ITPA: variants seen among roughly 807,000 people sequenced by gnomAD.
The protein encoded by ITPA is inosine triphosphatase.
A neutral mutation model predicts 29.6 loss-of-function variants in ITPA; 29 were observed. The observed-to-expected ratio is 0.98, with a 90% CI of 0.73 to 1.34. The LOEUF is 1.34. Ranked by LOEUF, ITPA falls within the 40% of genes most tolerant of loss-of-function variation. The pLI, the probability that ITPA is intolerant of heterozygous loss-of-function variation, is 0.00. For missense variants in ITPA, 241 were observed against 251.5 expected (o/e 0.96, Z 0.28); for synonymous variants, 103 against 99.3 (o/e 1.04, Z -0.22).
chr20:3,213,928 C>T lies in ITPA; in HGVS notation c.190-57C>T, dbSNP rs560179673. 1.7e-5 allele frequency: 26 copies of T among 1,562,456 alleles called. No individual in the cohort carries two copies. In the East Asian group the frequency reaches 4.7e-4, roughly 28 times the overall value. On this transcript the variant is annotated intron_variant, in intron 3 of 7. Transcript: ENST00000380113. ...GCCTGGGTGACGCGGGTGACCTGGACGTTCCAGGTGGGGATGGTGATCATG... is the reference window on the plus strand; with the variant it reads ...GCCTGGGTGACGCGGGTGACCTGGATGTTCCAGGTGGGGATGGTGATCATG...
upstream of ITPA, among the ~76,000 whole-genome samples, chr20:3,208,366 T>C (rs1029599756): frequency 6.6e-6 from 1 of 152,180 alleles, no homozygotes; most frequent in African/African-American, 2.4e-5. Flanking sequence ...CCCAAAGCAG[T>C]GGTTCCCACA....
At chr20:3,204,398 C>G (rs1413554539), upstream of ITPA, 2 of 836,850 alleles carry the variant, frequency 2.4e-6, no homozygotes, top group Non-Finnish European at 3.7e-6. Context: ...CCCCACCCGG[C>G]ACACGACTAG....
At chr20:3,204,575 A>G, upstream of ITPA, 1 of 1,580,250 alleles carries the variant, frequency 6.3e-7, no homozygotes, top group Non-Finnish European at 8.6e-7. Context: ...CAGGAAGAGG[A>G]TAAAGCCGAC....
At chr20:3,209,311 T>A, upstream of ITPA, 2 of 587,596 alleles carry the variant, frequency 3.4e-6, no homozygotes, top group African/African-American at 3.7e-5. This position sits in a 1 kb window ranked among gnomAD's most constrained non-coding sequence, Gnocchi z 4.6. Context: ...ATAGCGTCCC[T>A]TAGGCAGGAG....
chr20:3,207,823 C>T (rs539225388), upstream of ITPA, among the ~76,000 whole-genome samples: 7 of 151,766 alleles, frequency 4.6e-5, no homozygotes, highest in East Asian at 1.9e-4. Flanking sequence ...GGTGAAACCC[C>T]GTCTCTACTA....
At chr20:3,206,132 T>C (rs1051555384), upstream of ITPA, among the ~76,000 whole-genome samples, 1 of 151,172 alleles carries the variant, frequency 6.6e-6, no homozygotes, top group Admixed American at 6.6e-5. Flanking sequence ...CTCACACCTG[T>C]AATCCCAGCA....
In ITPA at chr20:3,213,399, T is replaced by G; in HGVS notation, c.189+16T>G. The G allele has an allele frequency of 6.2e-7, 1 of 1,613,580 alleles. No homozygotes were observed. The highest frequency in any genetic ancestry group is 8.5e-7 in the Non-Finnish European group (1 of 1,180,012). ...AGTTCGCCAGGTGCTTGCCCTGCCC[T>G]TGTCCCACACTTGCTCTTCTTGTCC... On this transcript the variant is annotated intron_variant, in intron 3 of 7. Transcript: ENST00000380113.
At position 3,218,644 on chromosome 20, in the gene ITPA, C is replaced by T; in HGVS notation, c.411+12C>T. The T allele has an allele frequency of 6.3e-7, 1 of 1,596,782 alleles. No individual in the cohort carries two copies. The highest frequency in any genetic ancestry group is 1.1e-5 in the South Asian group (1 of 90,752). On this transcript the variant is annotated intron_variant, in intron 6 of 7. Transcript: ENST00000380113. ...GGGGCCGGACCTCGGTGCGTACCCA[C>T]CTTGATGCAGTTCCCGCCGCGCGCC... is the stretch of plus-strand genomic sequence containing the variant.
Position 3,218,504 on chromosome 20 carries a change from T to G in ITPA, c.296-13T>G. 6.2e-7 allele frequency: 1 copy of G among 1,601,428 alleles called. No homozygotes were observed. Among genetic ancestry groups the G allele is most frequent in the Non-Finnish European group, 8.6e-7 (1 of 1,168,730 alleles). On this transcript the variant is annotated splice_polypyrimidine_tract_variant and intron_variant, in intron 5 of 7. Coordinates refer to ENST00000380113, the MANE Select transcript of ITPA (RefSeq NM_033453.4). ...CATTAGGGATGCACTGAGCCCTCAC[T>G]GCCCACCCGCAGGTCTCCACCAGCT...
At chr20:3,208,564 T>C (rs187064915), upstream of ITPA, among the ~76,000 whole-genome samples, 1,176 of 152,270 alleles carry the variant, frequency 7.7e-3, 15 homozygotes, top group African/African-American at 0.025. Flanking sequence ...TTGGTAGAGA[T>C]GGGGTTTCTC....
upstream of ITPA, among the ~76,000 whole-genome samples, chr20:3,206,613 G>A (rs1381486506): frequency 1.3e-5 from 2 of 151,726 alleles, no homozygotes; most frequent in South Asian, 2.1e-4. Flanking sequence ...GGCGGATCAC[G>A]AGGTCAGGAG....
At chr20:3,206,068 A>AG (rs1555771714), upstream of ITPA, among the ~76,000 whole-genome samples, 966 of 147,236 alleles carry the variant, frequency 6.6e-3, 15 homozygotes, top group African/African-American at 0.023. Flanking sequence ...AAAAAAAAAA[A>AG]AAAGAAAGAA....
chr20:3,218,914 T>C, intron 6 of ITPA: 1 of 496,730 alleles, frequency 2.0e-6, no homozygotes, highest in South Asian at 2.0e-5. Flanking sequence ...GAAACCTGTT[T>C]GACCCCTGAG....
Position 3,223,672 on chromosome 20 carries a change from T to G in ITPA, c.*210T>G, listed in dbSNP as rs921394904. ...GGACGCCATTCTCTTGCCCTTAGGA[T>G]TCACTGCTCTCTCCTACAGCCGCCA... On this transcript the variant is annotated 3_prime_UTR_variant, in exon 8 of 8. Coordinates refer to ENST00000380113, the MANE Select transcript of ITPA (RefSeq NM_033453.4). 32 of 602,456 alleles carry G rather than the reference T, an allele frequency of 5.3e-5. No individual in the cohort carries two copies. Among genetic ancestry groups the G allele is most frequent in the Admixed American group, 1.3e-4 (5 of 38,088 alleles). The allele number at this position is 602,456 out of a possible 1,614,324, so 37.3% of individuals were successfully genotyped here. A position where few individuals can be genotyped will look rare whatever the true frequency, so the allele number is the denominator to read the frequency against.
intron 5 of ITPA, 62 bp downstream of exon 5, chr20:3,215,374 G>C: frequency 6.6e-7 from 1 of 1,507,960 alleles, no homozygotes; most frequent in Non-Finnish European, 9.2e-7. Context: ...CTTTGTCTAG[G>C]GGAGGGACCC....
rs1467920676 is a variant in ITPA, at chr20:3,223,561, G to C, written c.*99G>C. The C allele has an allele frequency of 1.1e-6, 1 of 902,946 alleles. No individual in the cohort carries two copies. The highest frequency in any genetic ancestry group is 1.6e-5 in the African/African-American group (1 of 60,828). The allele number at this position is 902,946 out of a possible 1,614,324, so 55.9% of individuals were successfully genotyped here. A position where few individuals can be genotyped will look rare whatever the true frequency, so the allele number is the denominator to read the frequency against. ...GGCACCCCCTGAAGTACTTCCTTCA[G>C]GGTTTCCCCTTTGTGAGGGTGTCGA... On this transcript the variant is annotated 3_prime_UTR_variant, in exon 8 of 8. Coordinates refer to ENST00000380113, the MANE Select transcript of ITPA (RefSeq NM_033453.4).
chr20:3,212,356 G>T (rs2067194347), intron 1 of ITPA, among the ~76,000 whole-genome samples: 1 of 149,000 alleles, frequency 6.7e-6, no homozygotes, highest in African/African-American at 2.5e-5. Flanking sequence ...GTCTCACTCT[G>T]TCGCCTAAGG....
In ITPA at chr20:3,218,567, T is replaced by C; in HGVS notation, c.346T>C (p.Cys116Arg). 1 of 1,613,990 alleles carries C rather than the reference T, an allele frequency of 6.2e-7. No individual in the cohort carries two copies. The highest frequency in any genetic ancestry group is 8.5e-7 in the Non-Finnish European group (1 of 1,180,044). ...CGAGGACAAGTCAGCCTATGCGCTC[T>C]GCACGTTTGCACTCAGCACCGGGGA... ...GFEDKSAYAL[C>R]TFALSTGDPS... The change falls in exon 6 of 8, where the codon TGC (cysteine) becomes CGC (arginine). Residue 116 changes from cysteine (C) to arginine (R), a missense_variant. Coordinates refer to ENST00000380113, the MANE Select transcript of ITPA (RefSeq NM_033453.4).
At chr20:3,218,396 A>C in intron 5 of ITPA, 121 bp from the exon 6 acceptor site, 2 of 753,022 alleles carry the variant, frequency 2.7e-6, no homozygotes, top group South Asian at 1.5e-5. Flanking sequence ...CCGCTACCCC[A>C]ATTGAGACCT....
Sources: allele counts gnomAD v4.1 joint callset (sites outside exome capture counted in the v4.1 genomes callset), GRCh38; gene constraint gnomAD v4.1.1; non-coding constraint Gnocchi (gnomAD v3.1); transcripts MANE v1.5; gene names NCBI Gene and HGNC (gene_info 2026-07-23, HGNC 2026-07-21).